Variants in AMMECR1 observed in about 807,000 individuals in gnomAD.
AMMECR1 encodes nuclear protein AMMECR1.
Under a neutral mutation model 22.5 loss-of-function variants are expected in AMMECR1, and 3 were observed. That is an observed-to-expected ratio of 0.13 (90% confidence interval 0.06 to 0.35). The LOEUF (loss-of-function observed/expected upper bound fraction) is 0.35. Ranked by LOEUF, AMMECR1 falls within the 10% of genes least tolerant of loss-of-function variation. The pLI is 1.00. For missense variants in AMMECR1, 235 were observed against 278.7 expected (o/e 0.84, Z 1.12); for synonymous variants, 130 against 116.7 (o/e 1.11, Z -0.74).
At chrX:110,422,310 G>C (rs1057025059) in intron 2 of AMMECR1, among the ~76,000 whole-genome samples, 2 of 112,686 alleles carry the variant, frequency 1.8e-5, no homozygotes, top group Non-Finnish European at 3.7e-5. Context: ...GCCTTTTGTT[G>C]TCCTTACCTG....
chrX:110,327,363 G>A (rs138924460), intron 2 of AMMECR1, among the ~76,000 whole-genome samples: 4 of 112,356 alleles, frequency 3.6e-5, no homozygotes, highest in Non-Finnish European at 7.5e-5. Flanking sequence ...AAAGCCAGCA[G>A]AGTGTTGTGT....
chrX:110,326,771 A>G (rs1172300217), intron 2 of AMMECR1, among the ~76,000 whole-genome samples: 3 of 112,011 alleles, frequency 2.7e-5, no homozygotes, highest in Non-Finnish European at 5.6e-5. Context: ...TTTTGCTGGT[A>G]TTTGGAGAAT....
chrX:110,362,689 TC>T (rs1163060585), intron 2 of AMMECR1, among the ~76,000 whole-genome samples: 5 of 111,986 alleles, frequency 4.5e-5, no homozygotes, highest in Admixed American at 1.9e-4. Context: ...ATTTACCAGT[TC>T]TTACTGACTG....
At chrX:110,220,776 G>C (rs905434767) in intron 2 of AMMECR1, among the ~76,000 whole-genome samples, 1 of 110,321 alleles carries the variant, frequency 9.1e-6, no homozygotes, top group Non-Finnish European at 1.9e-5. Flanking sequence ...GTTAACATTT[G>C]TCAAAGTTAA....
intron 2 of AMMECR1, among the ~76,000 whole-genome samples, chrX:110,383,782 C>T (rs1319858713): frequency 1.8e-5 from 2 of 111,726 alleles, no homozygotes; most frequent in Non-Finnish European, 3.8e-5. Context: ...TTTGAGCTCT[C>T]ATAGCATTTT....
At chrX:110,251,306 C>T (rs914566052) in intron 2 of AMMECR1, among the ~76,000 whole-genome samples, 1 of 111,398 alleles carries the variant, frequency 9.0e-6, no homozygotes, top group Admixed American at 9.6e-5. Context: ...TGGGGACTGT[C>T]AAGGAAATCT....
At chrX:110,356,507 A>T (rs2068231219) in intron 2 of AMMECR1, among the ~76,000 whole-genome samples, 1 of 110,936 alleles carries the variant, frequency 9.0e-6, no homozygotes, top group East Asian at 2.8e-4. Context: ...ACCACAGTTA[A>T]TAATAATATA....
chrX:110,321,019 G>T (rs1431432385), upstream of AMMECR1, among the ~76,000 whole-genome samples: 2 of 111,708 alleles, frequency 1.8e-5, no homozygotes, highest in African/African-American at 6.5e-5. Context: ...GTCTCCTTTA[G>T]GCATTTGAGG....
intron 2 of AMMECR1, among the ~76,000 whole-genome samples, chrX:110,231,144 G>A (rs939190504): frequency 9.0e-6 from 1 of 111,669 alleles, no homozygotes; most frequent in Non-Finnish European, 1.9e-5. Flanking sequence ...ACCTAGCAAG[G>A]CAGGCCAACA....
intron 2 of AMMECR1, among the ~76,000 whole-genome samples, chrX:110,263,432 C>A (rs1276128000): frequency 9.0e-6 from 1 of 111,443 alleles, no homozygotes; most frequent in Non-Finnish European, 1.9e-5. Flanking sequence ...AACCCTGCAG[C>A]TGTGAGCTAC....
intron 2 of AMMECR1, among the ~76,000 whole-genome samples, chrX:110,262,053 A>C (rs1348477284): frequency 1.8e-5 from 2 of 112,066 alleles, no homozygotes; most frequent in Non-Finnish European, 3.8e-5. Context: ...GGCAGCCATT[A>C]ACAAAAATAA....
At chrX:110,310,402 A>G (rs1191633758) in intron 1 of AMMECR1, among the ~76,000 whole-genome samples, 1 of 110,198 alleles carries the variant, frequency 9.1e-6, no homozygotes, top group Non-Finnish European at 1.9e-5. Flanking sequence ...GTGCCTCTCC[A>G]TGCACATGTA....
chrX:110,397,324 T>C (rs775125855), intron 2 of AMMECR1, among the ~76,000 whole-genome samples: 36 of 111,325 alleles, frequency 3.2e-4, no homozygotes, highest in Non-Finnish European at 5.5e-4. Context: ...AAGGAATCAT[T>C]GCTGTTGGCT....
intron 2 of AMMECR1, among the ~76,000 whole-genome samples, chrX:110,231,570 T>A (rs769008854): frequency 8.9e-6 from 1 of 111,923 alleles, no homozygotes; most frequent in East Asian, 2.8e-4. Context: ...CATGCCAAAT[T>A]GTAAAGACCA....
At chrX:110,296,460 G>T (rs933211932) in intron 1 of AMMECR1, among the ~76,000 whole-genome samples, 1 of 111,883 alleles carries the variant, frequency 8.9e-6, no homozygotes, top group Admixed American at 9.5e-5. Flanking sequence ...GTTTTCAGCA[G>T]TTATTCCTTC....
intron 1 of AMMECR1, among the ~76,000 whole-genome samples, chrX:110,434,060 G>A (rs1432339690): frequency 9.0e-6 from 1 of 111,667 alleles, no homozygotes; most frequent in African/African-American, 3.3e-5. Context: ...AAGGAGGCTT[G>A]AGCAGCATCT....
intron 2 of AMMECR1, among the ~76,000 whole-genome samples, chrX:110,386,808 C>G (rs2068458499): frequency 8.9e-6 from 1 of 112,420 alleles, no homozygotes; most frequent in Admixed American, 9.4e-5. Flanking sequence ...CAAGCTTCTC[C>G]TCTGTGCCAG....
At position 110,226,319 on chromosome X, in the gene AMMECR1, G is replaced by A. The variant is rs148779639; in HGVS notation, c.585-9687C>T. Among the ~76,000 whole-genome samples, 941 of 112,446 alleles carry A rather than the reference G, an allele frequency of 8.4e-3. 8 individuals are homozygous for A. The highest frequency in any genetic ancestry group is 0.014 in the Non-Finnish European group (721 of 53,259). On this transcript the variant is annotated intron_variant, in intron 2 of 5. Coordinates refer to ENST00000262844, the MANE Select transcript of AMMECR1 (RefSeq NM_015365.3). The stretch of plus-strand genomic sequence containing the variant: ...CCAATGGTTCTAAAAACAGGTAAGA[G>A]AGCTGGTCGGGCGCAGTGGCTCATG...
intron 2 of AMMECR1, among the ~76,000 whole-genome samples, chrX:110,424,649 G>A (rs976610920): frequency 1.8e-5 from 2 of 112,033 alleles, no homozygotes; most frequent in African/African-American, 6.5e-5. Context: ...GCTATGGGAC[G>A]AATACACTTG....
Sources: allele counts gnomAD v4.1 joint callset (sites outside exome capture counted in the v4.1 genomes callset), GRCh38; gene constraint gnomAD v4.1.1; transcripts MANE v1.5; gene names NCBI Gene and HGNC (gene_info 2026-07-23, HGNC 2026-07-21).